Variants in SUPT3H observed in about 807,000 individuals in gnomAD.
The protein encoded by SUPT3H is transcription initiation protein SPT3 homolog.
Under a neutral mutation model 44.3 loss-of-function variants are expected in SUPT3H, and 44 were observed. That is an observed-to-expected ratio of 0.99 (90% confidence interval 0.78 to 1.28). SUPT3H has a LOEUF of 1.28. SUPT3H is among the 50% of genes most tolerant of loss of function. SUPT3H has a pLI of 0.00. For missense variants in SUPT3H, 380 were observed against 387.1 expected, an observed-to-expected ratio of 0.98 and a Z score of 0.15; for synonymous variants, 124 against 125.6, an observed-to-expected ratio of 0.99 and a Z score of 0.09.
rs1763282673 is a variant in SUPT3H, at chr6:45,206,801, G to C, written c.102-100795C>G. Among the ~76,000 whole-genome samples, 3 of 152,116 alleles carry C rather than the reference G, an allele frequency of 2.0e-5. No homozygotes were observed. In the South Asian group the frequency reaches 6.2e-4, roughly 32 times the overall value. Reference sequence around the variant, plus strand: ...GCTGGAAGTAAAGAATTGCCAAATAGATTGCTGAGATGAGGGGGAGATGGC... The same window carrying C: ...GCTGGAAGTAAAGAATTGCCAAATACATTGCTGAGATGAGGGGGAGATGGC... On this transcript the variant is annotated intron_variant, in intron 2 of 10. Transcript: ENST00000371459.
intron 2 of SUPT3H, among the ~76,000 whole-genome samples, chr6:45,324,542 C>A (rs12526484): frequency 0.15 from 22,742 of 150,454 alleles, 1,952 homozygotes; most frequent in East Asian, 0.26. Context: ...AGGAAGAGAA[C>A]CCAAAAAAGC....
chr6:45,088,671 C>T (rs1340440126), intron 3 of SUPT3H, among the ~76,000 whole-genome samples: 1 of 151,870 alleles, frequency 6.6e-6, no homozygotes, highest in Non-Finnish European at 1.5e-5. Context: ...GTGGGTTTTG[C>T]AAAAGTAATC....
At chr6:45,155,086 T>C (rs935212215) in intron 2 of SUPT3H, among the ~76,000 whole-genome samples, 1 of 152,208 alleles carries the variant, frequency 6.6e-6, no homozygotes, top group Admixed American at 6.6e-5. Flanking sequence ...TGCATCTTAC[T>C]GGGCTCATTA....
chr6:45,012,012 C>T (rs1419318730), intron 5 of SUPT3H, among the ~76,000 whole-genome samples: 2 of 150,428 alleles, frequency 1.3e-5, no homozygotes, highest in Non-Finnish European at 3.0e-5. Context: ...CTTCTGATTG[C>T]TATGTTGATG....
chr6:45,036,032 T>C (rs749364416), intron 3 of SUPT3H, among the ~76,000 whole-genome samples: 1 of 152,088 alleles, frequency 6.6e-6, no homozygotes, highest in African/African-American at 2.4e-5. Context: ...AAAGAGACCA[T>C]ACCAAGTCAC....
At chr6:45,146,173 C>T (rs115248792) in intron 2 of SUPT3H, among the ~76,000 whole-genome samples, 2,666 of 152,150 alleles carry the variant, frequency 0.018, 53 homozygotes, top group South Asian at 0.084. Flanking sequence ...TGGGTATCTA[C>T]CCAGAGGAAA....
At chr6:45,047,582 A>G (rs914940711) in intron 3 of SUPT3H, among the ~76,000 whole-genome samples, 1 of 152,184 alleles carries the variant, frequency 6.6e-6, no homozygotes, top group Non-Finnish European at 1.5e-5. Flanking sequence ...AAGGTTTTTA[A>G]AAAAGGAGTT....
chr6:45,289,271 T>A (rs1256054612), intron 2 of SUPT3H, among the ~76,000 whole-genome samples: 1 of 152,060 alleles, frequency 6.6e-6, no homozygotes, highest in Non-Finnish European at 1.5e-5. Context: ...AAATCCAGAA[T>A]CATGTATTAT....
At chr6:45,319,714 T>C (rs1785192637) in intron 2 of SUPT3H, among the ~76,000 whole-genome samples, 1 of 152,154 alleles carries the variant, frequency 6.6e-6, no homozygotes, top group Non-Finnish European at 1.5e-5. Flanking sequence ...GCAATGACTG[T>C]TTCTGGAAAT....
rs1417037316 is a variant in SUPT3H, at chr6:44,835,413, G to A, written c.913-5556C>T. ...GAGCTGCCCTGTCACCAAGAGCCTGGGGTTTTCCAAATTCTTCACATCTTG... is the reference window on the plus strand; with the variant it reads ...GAGCTGCCCTGTCACCAAGAGCCTGAGGTTTTCCAAATTCTTCACATCTTG... On this transcript the variant is annotated intron_variant, in intron 10 of 10. Transcript: ENST00000371459. 5.3e-5 allele frequency among the ~76,000 whole-genome samples: 8 copies of A among 152,044 alleles called. No homozygotes were observed. The East Asian group carries it at 1.2e-3, about 22-fold the overall frequency.
rs532739751 is a variant in SUPT3H, at chr6:45,225,344, T to A, written c.102-119338A>T. ...ACTGTCAGACAGGATTTTTATGTTC[T>A]TCACTAACAAGGACAAAAGAACATT... is the stretch of plus-strand genomic sequence containing the variant. On this transcript the variant is annotated intron_variant, in intron 2 of 10. Transcript: ENST00000371459. 3.3e-5 allele frequency among the ~76,000 whole-genome samples: 5 copies of A among 152,080 alleles called. No individual in the cohort carries two copies. In the South Asian group the frequency reaches 1.0e-3, roughly 32 times the overall value.
At chr6:45,208,945 A>T (rs1323747685) in intron 2 of SUPT3H, among the ~76,000 whole-genome samples, 1 of 151,906 alleles carries the variant, frequency 6.6e-6, no homozygotes, top group Non-Finnish European at 1.5e-5. Context: ...GTGTTCATTT[A>T]CCATTCAGAA....
chr6:45,108,251 G>A (rs1361985483), intron 2 of SUPT3H, among the ~76,000 whole-genome samples: 2 of 152,150 alleles, frequency 1.3e-5, no homozygotes, highest in East Asian at 1.9e-4. Context: ...CAAGGCTGGC[G>A]GATTGCATGA....
intron 7 of SUPT3H, among the ~76,000 whole-genome samples, chr6:44,958,270 C>T (rs1775507736): frequency 6.6e-6 from 1 of 152,254 alleles, no homozygotes; most frequent in African/African-American, 2.4e-5. Context: ...TTTTATCTTT[C>T]TTATCAATGA....
chr6:45,011,417 A>C (rs890921835), intron 5 of SUPT3H, among the ~76,000 whole-genome samples: 1 of 152,084 alleles, frequency 6.6e-6, no homozygotes, highest in Non-Finnish European at 1.5e-5. Flanking sequence ...TCTTCATAGT[A>C]GACCAACTGT....
intron 2 of SUPT3H, among the ~76,000 whole-genome samples, chr6:45,113,027 T>G (rs1800307612): frequency 6.6e-6 from 1 of 151,802 alleles, no homozygotes; most frequent in Middle Eastern, 3.2e-3. Flanking sequence ...GTAATTGACA[T>G]TACTTTAGAA....
intron 2 of SUPT3H, among the ~76,000 whole-genome samples, chr6:45,208,734 A>C (rs1404977467): frequency 2.1e-5 from 1 of 48,436 alleles, no homozygotes; most frequent in African/African-American, 9.8e-5. Context: ...AAAAAAAAAA[A>C]AAACAAACAA....
intron 2 of SUPT3H, among the ~76,000 whole-genome samples, chr6:45,280,845 A>G (rs997956817): frequency 1.3e-5 from 2 of 152,192 alleles, no homozygotes; most frequent in Non-Finnish European, 2.9e-5. Flanking sequence ...AACATGTTCT[A>G]TAACAACAGA....
chr6:45,262,896 A>T (rs934573970), intron 2 of SUPT3H, among the ~76,000 whole-genome samples: 2 of 152,214 alleles, frequency 1.3e-5, no homozygotes, highest in Non-Finnish European at 2.9e-5. Context: ...AATGCTCAAC[A>T]TCACTAATTA....
Sources: allele counts gnomAD v4.1 joint callset (sites outside exome capture counted in the v4.1 genomes callset), GRCh38; gene constraint gnomAD v4.1.1; transcripts MANE v1.5; gene names NCBI Gene and HGNC (gene_info 2026-07-23, HGNC 2026-07-21).